The following ABCG8 variants were observed in gnomAD, a reference collection of about 807,000 sequenced individuals.
ABCG8 encodes the protein ATP-binding cassette sub-family G member 8.
In ABCG8, 81 loss-of-function variants were observed where a neutral mutation model predicts 71.3. The observed-to-expected ratio is 1.14, with a 90% CI of 0.95 to 1.37. ABCG8 has a LOEUF of 1.37. Among genes scored for constraint, ABCG8 ranks in the 40% most tolerant of loss-of-function variants. The pLI, the probability that ABCG8 is intolerant of heterozygous loss-of-function variation, is 0.00. For synonymous variants in ABCG8, 451 were observed against 354.7 expected, an observed-to-expected ratio of 1.27 and a Z score of -3.05; for missense variants, 1,119 against 866.2, an observed-to-expected ratio of 1.29 and a Z score of -3.66.
chr2:43,843,837 C>T (rs1303889199), intron 1 of ABCG8, among the ~76,000 whole-genome samples: 1 of 152,088 alleles, frequency 6.6e-6, no homozygotes, highest in African/African-American at 2.4e-5. Flanking sequence ...ACCACTTCGA[C>T]AATAACAACA....
At chr2:43,861,174 C>A (rs1308920341) in intron 6 of ABCG8, among the ~76,000 whole-genome samples, 2 of 151,424 alleles carry the variant, frequency 1.3e-5, no homozygotes, top group Non-Finnish European at 3.0e-5. Context: ...GGATAGAATT[C>A]TCACCATCTA....
chr2:43,856,434 A>T (rs1028779649), intron 6 of ABCG8, among the ~76,000 whole-genome samples: 1 of 151,888 alleles, frequency 6.6e-6, no homozygotes, highest in Non-Finnish European at 1.5e-5. Context: ...AACTGGATAG[A>T]ATTTTCACCA....
chr2:43,875,446 TG>T, intron 11 of ABCG8, 33 bp downstream of exon 11: 1 of 1,605,568 alleles, frequency 6.2e-7, no homozygotes, highest in Non-Finnish European at 8.5e-7. Flanking sequence ...GGGCCAGCTT[TG>T]TTAGGACTCA....
Position 43,874,510 on chromosome 2 carries a change from G to GCC in ABCG8, c.1488+32_1488+33dup, listed in dbSNP as rs3841852. ...TGACTGGGCAGGGTTGAGAGCAAGT[G>GCC]CCCCCCACCCACCAGGGTGGGGGTA... On this transcript the variant is annotated intron_variant, in intron 10 of 12. Transcript: ENST00000272286. 216,909 of 1,538,036 alleles carry GCC rather than the reference G, an allele frequency of 0.14. 23,501 individuals are homozygous for GCC. Among genetic ancestry groups the GCC allele is most frequent in the East Asian group, 0.63 (28,007 of 44,386 alleles).
rs1669868169 is a variant in ABCG8 at position 43,873,937 on chromosome 2, G to C, written c.1362G>C (p.Met454Ile). 2 of 1,613,990 alleles carry C rather than the reference G, an allele frequency of 1.2e-6. No individual in the cohort carries two copies. The highest frequency in any genetic ancestry group is 2.7e-5 in the African/African-American group (2 of 74,892). ...SFMDTAALLFMIGALIPFNVI... is the reference protein window; with the variant it reads ...SFMDTAALLFIIGALIPFNVI... The stretch of plus-strand genomic sequence containing the variant: ...TGGATACAGCCGCCCTCTTGTTCAT[G>C]ATCGGTGCTCTCATCCCTTTCAACG... Residue 454 changes from methionine (M) to isoleucine (I), a missense_variant, in exon 9 of 13, where the codon ATG becomes ATC. Transcript: ENST00000272286.
chr2:43,857,938 C>T (rs544559317), intron 6 of ABCG8, among the ~76,000 whole-genome samples: 6 of 151,692 alleles, frequency 4.0e-5, no homozygotes, highest in African/African-American at 1.4e-4. Context: ...ATAGAACTCT[C>T]ACTATCTGGG....
At position 43,851,800 on chromosome 2, in the gene ABCG8, C is replaced by T; in HGVS notation, c.539C>T (p.Ser180Phe). The change falls in exon 4 of 13, where the codon TCC (serine) becomes TTC (phenylalanine). Residue 180 changes from serine (S) to phenylalanine (F), a missense_variant. Coordinates refer to ENST00000272286, the MANE Select transcript of ABCG8 (RefSeq NM_022437.3). Reference sequence around the variant, plus strand: ...CAGATGCGGCTGCCCAGAACCTTCTCCCAGGCCCAGCGTGACAAAAGGGTA... The same window carrying T: ...CAGATGCGGCTGCCCAGAACCTTCTTCCAGGCCCAGCGTGACAAAAGGGTA... ...IAQMRLPRTF[S>F]QAQRDKRVED... 2 of 1,614,206 alleles carry T rather than the reference C, an allele frequency of 1.2e-6. No individual in the cohort carries two copies. Among genetic ancestry groups the T allele is most frequent in the Admixed American group, 3.3e-5 (2 of 60,030 alleles).
intron 6 of ABCG8, among the ~76,000 whole-genome samples, chr2:43,860,750 A>C: frequency 6.7e-6 from 1 of 150,198 alleles, no homozygotes; most frequent in Admixed American, 6.6e-5. Flanking sequence ...TAGAATTCTT[A>C]CTCTCTGGAT....
intron 6 of ABCG8, among the ~76,000 whole-genome samples, chr2:43,871,489 T>C (rs1312379855): frequency 6.6e-6 from 1 of 152,166 alleles, no homozygotes; most frequent in Non-Finnish European, 1.5e-5. Context: ...GAATTCTCAC[T>C]CTCTGGATGG....
rs537784677 is a variant in ABCG8 at position 43,839,403 on chromosome 2, CTTT to C, written c.63+326_63+328del. Among the ~76,000 whole-genome samples the C allele has an allele frequency of 3.5e-3, 209 of 59,196 alleles. 1 individual carries two copies. Among genetic ancestry groups the C allele is most frequent in the Non-Finnish European group, 5.0e-3 (155 of 31,148 alleles). The allele number at this position is 59,196 out of a possible 152,430, so 38.8% of individuals were successfully genotyped here. A position where few individuals can be genotyped will look rare whatever the true frequency, so the allele number is the denominator to read the frequency against. ...CACTTTTTCTTTTTTCTTTTCTTCT[CTTT>C]TTTTTTTTTTTTTTTTTTTTTTTTT... On this transcript the variant is annotated intron_variant, in intron 1 of 12. Transcript: ENST00000272286.
intron 6 of ABCG8, among the ~76,000 whole-genome samples, chr2:43,861,120 A>G (rs1171248714): frequency 6.6e-6 from 1 of 151,048 alleles, no homozygotes; most frequent in African/African-American, 2.4e-5. Context: ...CTCCCTATCT[A>G]GATAGAATTC....
intron 6 of ABCG8, among the ~76,000 whole-genome samples, chr2:43,854,170 C>T (rs1312409133): frequency 6.6e-6 from 1 of 152,242 alleles, no homozygotes; most frequent in Non-Finnish European, 1.5e-5. Context: ...GGCCTGCAAG[C>T]CCTGGGGCAG....
In ABCG8 at chr2:43,852,738, G is replaced by A. The variant is rs201640569; in HGVS notation, c.834G>A (p.Arg278=). ...SLHQPRSDIF[R]LFDLVLLMTS... ...ACCAGCCTCGCTCTGACATCTTCAG[G>A]CTGTTTGATCTGGTCCTCCTGATGA... Residue 278 remains arginine, a synonymous_variant, in exon 6 of 13, where the codon AGG becomes AGA. Transcript: ENST00000272286. The A allele has an allele frequency of 3.1e-6, 5 of 1,614,170 alleles. No homozygotes were observed. Among genetic ancestry groups the A allele is most frequent in the African/African-American group, 1.3e-5 (1 of 75,036 alleles).
At chr2:43,874,033 C>A in intron 9 of ABCG8, 47 bp downstream of exon 9, 1 of 1,595,534 alleles carries the variant, frequency 6.3e-7, no homozygotes, top group South Asian at 1.1e-5. Context: ...CAGCCACCTC[C>A]AAGCTGTGTT....
chr2:43,854,983 C>A (rs143802027), intron 6 of ABCG8, among the ~76,000 whole-genome samples: 1 of 152,312 alleles, frequency 6.6e-6, no homozygotes, highest in Non-Finnish European at 1.5e-5. Context: ...AGCAGCCGAC[C>A]AAGGGGTCAG....
chr2:43,839,403 CTTTTTTTTTTTTTTTTTTTTTTTTTTTTT>C (rs537784677), intron 1 of ABCG8, among the ~76,000 whole-genome samples: 1 of 59,296 alleles, frequency 1.7e-5, no homozygotes, highest in Non-Finnish European at 3.2e-5. Flanking sequence ...CTTTTCTTCT[CTTTTTTTTTTTTTTTTTTTTTTTTTTTTT>C]TTTTTTTTTT....
intron 6 of ABCG8, among the ~76,000 whole-genome samples, chr2:43,862,285 A>G (rs1669350984): frequency 1.3e-5 from 2 of 151,122 alleles, no homozygotes. Context: ...TCTGGGTAGT[A>G]TTCTCACTCT....
rs116394530 is a variant in ABCG8, at chr2:43,862,350, G to T, written c.964+9482G>T. On this transcript the variant is annotated intron_variant, in intron 6 of 12. Transcript: ENST00000272286. ...TAGAATTCTCACAATCTGGATAGAAGTCTTACTGTGTATCTGGATAGAATT... is the reference window on the plus strand; with the variant it reads ...TAGAATTCTCACAATCTGGATAGAATTCTTACTGTGTATCTGGATAGAATT... Among the ~76,000 whole-genome samples, 696 of 136,534 alleles carry T rather than the reference G, an allele frequency of 5.1e-3. 4 individuals carry two copies. Among genetic ancestry groups the T allele is most frequent in the South Asian group, 0.015 (59 of 4,034 alleles). 89.6% of individuals were successfully genotyped at this position (136,534 alleles called of 152,430 possible).
At chr2:43,860,781 T>C (rs1216668604) in intron 6 of ABCG8, among the ~76,000 whole-genome samples, 1 of 135,374 alleles carries the variant, frequency 7.4e-6, no homozygotes, top group Middle Eastern at 4.2e-3. Context: ...CTATCTGCTG[T>C]ATAGAATTCT....
Sources: gnomAD v4.1 joint callset for allele counts (sites outside exome capture counted in the v4.1 genomes callset) on GRCh38, gnomAD v4.1.1 for gene constraint, MANE v1.5 for transcripts, NCBI Gene and HGNC (gene_info 2026-07-23, HGNC 2026-07-21) for gene names.